The following TSGA10 variants were observed in gnomAD, a reference collection of about 807,000 sequenced individuals.
TSGA10 encodes the protein testis-specific gene 10 protein.
A neutral mutation model predicts 96.6 loss-of-function variants in TSGA10; 43 were observed. That is an observed-to-expected ratio of 0.44 (90% CI 0.35 to 0.57). The LOEUF (loss-of-function observed/expected upper bound fraction) is 0.57. Ranked by LOEUF, TSGA10 falls within the 20% of genes least tolerant of loss-of-function variation. The pLI is 0.01. For synonymous variants in TSGA10, 229 were observed against 269.9 expected, an observed-to-expected ratio of 0.85 and a Z score of 1.48; for missense variants, 703 against 834.4, an observed-to-expected ratio of 0.84 and a Z score of 1.94.
intron 12 of TSGA10, among the ~76,000 whole-genome samples, chr2:99,077,014 T>C (rs1224058619): frequency 2.0e-5 from 3 of 152,008 alleles, no homozygotes; most frequent in African/African-American, 7.2e-5. Context: ...TTTTGCCCAA[T>C]TCCAACAACA....
intron 20 of TSGA10, among the ~76,000 whole-genome samples, chr2:99,004,169 C>T (rs1037679315): frequency 1.3e-5 from 2 of 152,172 alleles, no homozygotes; most frequent in African/African-American, 4.8e-5. Flanking sequence ...ACTTTAAACA[C>T]CTCTATGCAA....
intron 7 of TSGA10, among the ~76,000 whole-genome samples, chr2:99,107,344 A>C (rs1232459770): frequency 2.0e-5 from 3 of 152,220 alleles, no homozygotes; most frequent in Middle Eastern, 3.2e-3. Context: ...TCAAAGGAGA[A>C]ATTGTTAAAT....
chr2:99,055,728 A>T (rs1337680424), intron 16 of TSGA10, among the ~76,000 whole-genome samples: 1 of 151,808 alleles, frequency 6.6e-6, no homozygotes, highest in Non-Finnish European at 1.5e-5. Flanking sequence ...AGTAGCTCAC[A>T]CCTGTAATTC....
At chr2:99,065,653 A>C (rs1203704144) in intron 15 of TSGA10, among the ~76,000 whole-genome samples, 1 of 152,126 alleles carries the variant, frequency 6.6e-6, no homozygotes, top group African/African-American at 2.4e-5. Flanking sequence ...AATTATCTTG[A>C]TCATGAACTG....
intron 20 of TSGA10, among the ~76,000 whole-genome samples, chr2:99,008,689 A>T (rs2078713459): frequency 6.6e-6 from 1 of 152,252 alleles, no homozygotes; most frequent in Admixed American, 6.5e-5. Context: ...TATTCTGAAG[A>T]TACTGCAACA....
chr2:99,151,760 ATAG>A (rs1302200119), intron 1 of TSGA10, among the ~76,000 whole-genome samples: 1 of 152,182 alleles, frequency 6.6e-6, no homozygotes, highest in Non-Finnish European at 1.5e-5. Flanking sequence ...CCAAGTGTTA[ATAG>A]TTTGTCTTGC....
At chr2:99,147,724 A>G (rs1437950913) in intron 1 of TSGA10, among the ~76,000 whole-genome samples, 1 of 152,208 alleles carries the variant, frequency 6.6e-6, no homozygotes, top group Admixed American at 6.5e-5. Flanking sequence ...ATGTAGAACA[A>G]CTTTTTAAGC....
At chr2:99,065,759 C>T (rs896783377) in intron 15 of TSGA10, among the ~76,000 whole-genome samples, 3 of 152,076 alleles carry the variant, frequency 2.0e-5, no homozygotes, top group African/African-American at 7.2e-5. Flanking sequence ...CAAACCTATG[C>T]CAATAAACAC....
intron 17 of TSGA10, among the ~76,000 whole-genome samples, chr2:99,022,679 T>A (rs2080153755): frequency 6.6e-6 from 1 of 152,198 alleles, no homozygotes; most frequent in Non-Finnish European, 1.5e-5. Context: ...TGTATGGACA[T>A]GTTTTCATTC....
At chr2:99,043,523 T>C (rs1003784503) in intron 16 of TSGA10, among the ~76,000 whole-genome samples, 4 of 152,156 alleles carry the variant, frequency 2.6e-5, no homozygotes, top group Admixed American at 2.6e-4. Context: ...ATTTTCATCT[T>C]CATATTTAGC....
At chr2:99,074,065 T>C (rs1259358383) in intron 12 of TSGA10, among the ~76,000 whole-genome samples, 1 of 132,122 alleles carries the variant, frequency 7.6e-6, no homozygotes, top group African/African-American at 2.9e-5. Flanking sequence ...CCGGCTGGAG[T>C]GCGAGGGCGC....
At chr2:99,154,626 T>A in intron 1 of TSGA10, 67 bp downstream of exon 1, 1 of 186,156 alleles carries the variant, frequency 5.4e-6, no homozygotes, top group Non-Finnish European at 1.2e-5. Context: ...GCTCTGGGCT[T>A]CTGGGGGCTC....
intron 17 of TSGA10, among the ~76,000 whole-genome samples, chr2:99,021,706 C>T (rs1377433339): frequency 6.6e-6 from 1 of 152,210 alleles, no homozygotes; most frequent in Non-Finnish European, 1.5e-5. Flanking sequence ...CCACTCTAGT[C>T]ATGACCACCA....
At position 99,108,910 on chromosome 2, in the gene TSGA10, G is replaced by A. The variant is rs550646029; in HGVS notation, c.133C>T (p.Arg45Cys). The A allele has an allele frequency of 8.7e-6, 14 of 1,607,234 alleles. No individual in the cohort carries two copies. The highest frequency in any genetic ancestry group is 4.5e-5 in the East Asian group (2 of 44,652). Residue 45 changes from arginine (R) to cysteine (C), a missense_variant, in exon 7 of 21, where the codon CGC becomes TGC. Transcript: ENST00000393483. Reference protein sequence around the residue: ...ELKCMLEKYERHLAEIQGNVK... With the variant: ...ELKCMLEKYECHLAEIQGNVK... The stretch of plus-strand genomic sequence containing the variant: ...TTACCCTGAATTTCTGCCAAATGGC[G>A]CTCATATTTTTCCAGCATGCATTTA...
At chr2:99,098,451 A>AAAAGAAAAG in intron 10 of TSGA10, among the ~76,000 whole-genome samples, 1 of 128,692 alleles carries the variant, frequency 7.8e-6, no homozygotes, top group East Asian at 2.6e-4. Context: ...AAAAAAAAAA[A>AAAAGAAAAG]AAAAGAAAAG....
intron 15 of TSGA10, among the ~76,000 whole-genome samples, chr2:99,065,865 T>C (rs1305784097): frequency 6.6e-6 from 1 of 152,110 alleles, no homozygotes; most frequent in Non-Finnish European, 1.5e-5. Flanking sequence ...GTAACTGAAG[T>C]AGGGTCTGAT....
intron 2 of TSGA10, chr2:99,125,514 T>C (rs748184827): frequency 2.6e-5 from 4 of 152,242 alleles, no homozygotes; most frequent in Non-Finnish European, 5.9e-5. Context: ...GCCAGATAAT[T>C]GTAACATCCG....
chr2:99,113,695 A>G (rs1338365902), intron 4 of TSGA10, among the ~76,000 whole-genome samples: 6 of 149,506 alleles, frequency 4.0e-5, no homozygotes, highest in Admixed American at 6.6e-5. Flanking sequence ...ACAGGTGCCC[A>G]CCACCATGCC....
intron 20 of TSGA10, among the ~76,000 whole-genome samples, chr2:99,012,312 A>G (rs2079069530): frequency 6.6e-6 from 1 of 152,228 alleles, no homozygotes; most frequent in South Asian, 2.1e-4. Context: ...TAATGTGATG[A>G]ACAGAACAAT....
Sources: gnomAD v4.1 joint callset for allele counts (sites outside exome capture counted in the v4.1 genomes callset) on GRCh38, gnomAD v4.1.1 for gene constraint, MANE v1.5 for transcripts, NCBI Gene and HGNC (gene_info 2026-07-23, HGNC 2026-07-21) for gene names.